KHDRBS1: variants seen among roughly 807,000 people sequenced by gnomAD.
The protein encoded by KHDRBS1 is KH domain-containing, RNA-binding, signal transduction-associated protein 1.
KHDRBS1 carries 7 observed loss-of-function variants against 48.4 expected under a neutral mutation model. The observed-to-expected ratio is 0.14, with a 90% CI of 0.08 to 0.27. The LOEUF (loss-of-function observed/expected upper bound fraction) is 0.27, where lower values mean the gene tolerates loss of function less well. Among genes scored for constraint, KHDRBS1 ranks in the 10% least tolerant of loss-of-function variants. The pLI, the probability that KHDRBS1 is intolerant of heterozygous loss-of-function variation, is 1.00. For missense variants in KHDRBS1, 458 were observed against 601.2 expected (o/e 0.76, Z 2.49); for synonymous variants, 241 against 235.8 (o/e 1.02, Z -0.20).
intron 10 of KHDRBS1, among the ~76,000 whole-genome samples, chr1:32,057,485 C>CTT (rs931055192): frequency 1.4e-4 from 19 of 132,512 alleles, no homozygotes; most frequent in African/African-American, 1.9e-4. Flanking sequence ...TTCTTCTTTT[C>CTT]TTTTTTTTTT....
intron 1 of KHDRBS1, among the ~76,000 whole-genome samples, chr1:32,022,263 G>A (rs928966471): frequency 3.3e-5 from 5 of 152,088 alleles, no homozygotes; most frequent in Non-Finnish European, 5.9e-5. Flanking sequence ...CTCCCAAAGT[G>A]CTGGGATTAC....
chr1:32,027,883 C>T (rs1329734697), intron 1 of KHDRBS1, among the ~76,000 whole-genome samples: 1 of 152,108 alleles, frequency 6.6e-6, no homozygotes, highest in Admixed American at 6.5e-5. Flanking sequence ...GAGGCCGAGG[C>T]GAGTGGATCA....
chr1:32,033,388 A>G (rs2124379619), intron 4 of KHDRBS1, 54 bp downstream of exon 4: 3 of 1,604,372 alleles, frequency 1.9e-6, no homozygotes, highest in Non-Finnish European at 1.7e-6. Flanking sequence ...GGGATCTTAT[A>G]CTGTTGTGAA....
intron 1 of KHDRBS1, among the ~76,000 whole-genome samples, chr1:32,026,539 G>A (rs568424055): frequency 1.3e-5 from 2 of 152,278 alleles, no homozygotes; most frequent in South Asian, 4.1e-4. Flanking sequence ...AAGAATCCAT[G>A]TTATAGAAAG....
chr1:32,033,400 GT>G, intron 4 of KHDRBS1, 66 bp downstream of exon 4: 1 of 1,587,354 alleles, frequency 6.3e-7, no homozygotes. Context: ...TGTTGTGAAG[GT>G]AGGGGTTCTT....
intron 6 of KHDRBS1, among the ~76,000 whole-genome samples, chr1:32,038,288 C>T (rs1377968365): frequency 6.6e-6 from 1 of 152,196 alleles, no homozygotes; most frequent in African/African-American, 2.4e-5. Flanking sequence ...GAATTTCTTA[C>T]TACTAGTACT....
At chr1:32,019,380 TC>T (rs554042622) in intron 1 of KHDRBS1, among the ~76,000 whole-genome samples, 288 of 152,162 alleles carry the variant, frequency 1.9e-3, no homozygotes, top group Non-Finnish European at 3.1e-3. Flanking sequence ...TGAAACCCTG[TC>T]TTTACTAAAA....
At chr1:32,040,183 G>A (rs1639256110) in intron 8 of KHDRBS1, among the ~76,000 whole-genome samples, 2 of 152,154 alleles carry the variant, frequency 1.3e-5, no homozygotes, top group Non-Finnish European at 2.9e-5. Context: ...CGAGGCCGAG[G>A]CAGGCGGATC....
intron 10 of KHDRBS1, among the ~76,000 whole-genome samples, chr1:32,051,914 T>C (rs1056869659): frequency 4.6e-5 from 7 of 152,248 alleles, no homozygotes; most frequent in African/African-American, 1.7e-4. Flanking sequence ...GATATGTTCC[T>C]GTACTTTGTA....
At chr1:32,050,844 A>T (rs1455105736) in intron 10 of KHDRBS1, among the ~76,000 whole-genome samples, 1 of 150,950 alleles carries the variant, frequency 6.6e-6, no homozygotes, top group East Asian at 2.0e-4. Flanking sequence ...TAGGTCTATG[A>T]TTCATTTTAT....
intron 4 of KHDRBS1, among the ~76,000 whole-genome samples, chr1:32,035,584 G>A (rs1263665762): frequency 6.6e-6 from 1 of 152,188 alleles, no homozygotes; most frequent in Admixed American, 6.5e-5. Flanking sequence ...TTTCCACTTA[G>A]AACAATTAAC....
At chr1:32,032,692 G>A (rs1452798557) in intron 3 of KHDRBS1, among the ~76,000 whole-genome samples, 2 of 151,518 alleles carry the variant, frequency 1.3e-5, no homozygotes, top group Non-Finnish European at 2.9e-5. Context: ...GTTCTTGAGA[G>A]TTTGTTTTAC....
intron 4 of KHDRBS1, among the ~76,000 whole-genome samples, 169 bp from the exon 5 acceptor site, chr1:32,036,741 T>C (rs1639190803): frequency 6.6e-6 from 1 of 152,048 alleles, no homozygotes; most frequent in South Asian, 2.1e-4. Context: ...AAGACTTTTC[T>C]CAAAGAGGTG....
chr1:32,024,250 T>C (rs538680698), intron 1 of KHDRBS1, among the ~76,000 whole-genome samples: 1 of 151,488 alleles, frequency 6.6e-6, no homozygotes, highest in Non-Finnish European at 1.5e-5. Flanking sequence ...GAGACTTCGT[T>C]TCAAAAAAAA....
intron 1 of KHDRBS1, among the ~76,000 whole-genome samples, chr1:32,025,931 T>TATATATATA (rs1557892025): frequency 1.4e-5 from 2 of 144,240 alleles, no homozygotes; most frequent in African/African-American, 5.3e-5. Context: ...ATATATATAT[T>TATATATATA]TATTTATTTA....
chr1:32,030,612 C>T (rs1639063370), intron 2 of KHDRBS1, among the ~76,000 whole-genome samples, 190 bp downstream of exon 2: 1 of 151,972 alleles, frequency 6.6e-6, no homozygotes, highest in South Asian at 2.1e-4. Flanking sequence ...ATAGCTATAG[C>T]CAGGAAGGAA....
chr1:32,014,472 C>A (rs925557573), intron 1 of KHDRBS1, 95 bp downstream of exon 1: 1 of 1,197,262 alleles, frequency 8.4e-7, no homozygotes, highest in East Asian at 3.2e-5. Context: ...CCCTCGGGAC[C>A]GAGGCAGTCG....
At chr1:32,050,960 G>A (rs746543674) in intron 10 of KHDRBS1, among the ~76,000 whole-genome samples, 20 of 151,800 alleles carry the variant, frequency 1.3e-4, no homozygotes, top group Non-Finnish European at 2.5e-4. Flanking sequence ...GCTCAATCTC[G>A]GCTCATTGCA....
Position 32,054,665 on chromosome 1 carries a change from T to C in KHDRBS1, n.1302-5498T>C, listed in dbSNP as rs1639459612. Reference sequence around the variant, plus strand: ...AGCTCTTAATTATGTTCTAATTCTGTGCTGAGAGTATCATATACAGCAAGC... The same window carrying C: ...AGCTCTTAATTATGTTCTAATTCTGCGCTGAGAGTATCATATACAGCAAGC... On this transcript the variant is annotated intron_variant and non_coding_transcript_variant, in intron 10 of 10. Transcript: ENST00000484270. 2.0e-5 allele frequency among the ~76,000 whole-genome samples: 3 copies of C among 152,248 alleles called. No homozygotes were observed. The South Asian group carries it at 6.2e-4, about 31-fold the overall frequency.
Sources: gnomAD v4.1 joint callset for allele counts (sites outside exome capture counted in the v4.1 genomes callset) on GRCh38, gnomAD v4.1.1 for gene constraint, MANE v1.5 for transcripts, NCBI Gene and HGNC (gene_info 2026-07-23, HGNC 2026-07-21) for gene names.